Variants in CHST9 observed in about 807,000 individuals in gnomAD.
CHST9 encodes the protein carbohydrate sulfotransferase 9.
In CHST9, 41 loss-of-function variants were observed where a neutral mutation model predicts 44.4. That is an observed-to-expected ratio of 0.92 (90% CI 0.72 to 1.20). The LOEUF (loss-of-function observed/expected upper bound fraction) is 1.20, where lower values mean the gene tolerates loss of function less well. Among genes scored for constraint, CHST9 ranks in the 50% most tolerant of loss-of-function variants. CHST9 has a pLI of 0.00. For synonymous variants in CHST9, 171 were observed against 178.4 expected (o/e 0.96, Z 0.33); for missense variants, 504 against 516.5 (o/e 0.98, Z 0.23).
intron 4 of CHST9, among the ~76,000 whole-genome samples, chr18:26,951,530 C>A (rs335921): frequency 1.3e-5 from 2 of 151,670 alleles, no homozygotes; most frequent in African/African-American, 4.8e-5. Context: ...CATAGATCTG[C>A]AAGAATCTAT....
At chr18:27,020,618 G>A (rs916897548) in intron 4 of CHST9, among the ~76,000 whole-genome samples, 16 of 152,322 alleles carry the variant, frequency 1.1e-4, no homozygotes, top group African/African-American at 3.4e-4. Context: ...CCTTGCATTT[G>A]ATATATTTAA....
chr18:27,088,618 T>C (rs1291301380), intron 2 of CHST9, among the ~76,000 whole-genome samples: 1 of 151,982 alleles, frequency 6.6e-6, no homozygotes, highest in Non-Finnish European at 1.5e-5. Flanking sequence ...GATCTCGATC[T>C]CTTGACCTCG....
intron 1 of CHST9, among the ~76,000 whole-genome samples, chr18:27,161,637 C>T (rs1173494587): frequency 6.6e-6 from 1 of 152,066 alleles, no homozygotes; most frequent in Non-Finnish European, 1.5e-5. Context: ...CCACTTGGTG[C>T]AGAGCTGAGT....
At chr18:27,121,688 T>TGACA (rs2058375780) in intron 2 of CHST9, among the ~76,000 whole-genome samples, 1 of 152,140 alleles carries the variant, frequency 6.6e-6, no homozygotes, top group Non-Finnish European at 1.5e-5. Context: ...GGATTGAGGA[T>TGACA]GACACCATAT....
At chr18:27,078,264 G>A (rs752444992) in intron 2 of CHST9, among the ~76,000 whole-genome samples, 1 of 152,126 alleles carries the variant, frequency 6.6e-6, no homozygotes, top group Non-Finnish European at 1.5e-5. Flanking sequence ...CATGAGTGAA[G>A]CCCATCTATT....
intron 4 of CHST9, among the ~76,000 whole-genome samples, chr18:26,996,364 G>A (rs1154211): frequency 0.34 from 51,657 of 152,020 alleles, 9,507 homozygotes; most frequent in East Asian, 0.47. Flanking sequence ...TGGAGGTGGG[G>A]CCTGGTAGGA....
intron 4 of CHST9, among the ~76,000 whole-genome samples, chr18:26,956,350 C>G (rs1224516930): frequency 6.9e-6 from 1 of 145,168 alleles, no homozygotes; most frequent in African/African-American, 2.5e-5. Flanking sequence ...TATATACACA[C>G]ACAATTATAT....
intron 2 of CHST9, among the ~76,000 whole-genome samples, chr18:27,139,177 T>C (rs975009140): frequency 6.6e-6 from 1 of 152,066 alleles, no homozygotes; most frequent in Non-Finnish European, 1.5e-5. Flanking sequence ...GCTTAGAAAA[T>C]AGTCCATATC....
intron 5 of CHST9, among the ~76,000 whole-genome samples, chr18:26,917,608 C>T (rs1164011477): frequency 6.6e-6 from 1 of 152,058 alleles, no homozygotes; most frequent in African/African-American, 2.4e-5. Context: ...GCCTGTAATG[C>T]AATAGGATGT....
chr18:27,090,230 TGCATAGA>T (rs2058055034), intron 2 of CHST9, among the ~76,000 whole-genome samples: 1 of 152,234 alleles, frequency 6.6e-6, no homozygotes, highest in Non-Finnish European at 1.5e-5. Flanking sequence ...GTCTGTTGGC[TGCATAGA>T]TATCTTCTTT....
intron 2 of CHST9, among the ~76,000 whole-genome samples, chr18:27,120,680 T>G (rs1006280600): frequency 2.0e-5 from 3 of 152,230 alleles, no homozygotes; most frequent in Admixed American, 6.5e-5. Context: ...ATTTATTTTC[T>G]CTGTGACTCA....
intron 4 of CHST9, among the ~76,000 whole-genome samples, chr18:27,016,377 A>G (rs1434499565): frequency 6.6e-6 from 1 of 152,192 alleles, no homozygotes; most frequent in Non-Finnish European, 1.5e-5. Context: ...TCCTGCACAG[A>G]GTGCTCTTCT....
At chr18:27,183,329 A>C (rs1256733747) in intron 1 of CHST9, among the ~76,000 whole-genome samples, 2 of 152,228 alleles carry the variant, frequency 1.3e-5, no homozygotes, top group Non-Finnish European at 2.9e-5. Flanking sequence ...GAAATGAGTA[A>C]GTACGTTTTG....
chr18:26,937,136 G>T (rs912454881), intron 5 of CHST9, among the ~76,000 whole-genome samples: 1 of 152,108 alleles, frequency 6.6e-6, no homozygotes, highest in Admixed American at 6.5e-5. Context: ...AAAACTGGCA[G>T]TGGGCAACGG....
chr18:27,163,082 G>A lies in CHST9; in HGVS notation c.-96-20177C>T, dbSNP rs185620902. Among the ~76,000 whole-genome samples the A allele has an allele frequency of 1.1e-3, 171 of 152,326 alleles. 1 individual carries two copies. The highest frequency in any genetic ancestry group is 6.0e-3 in the South Asian group (29 of 4,824). On this transcript the variant is annotated intron_variant, in intron 1 of 5. Transcript: ENST00000618847. ...TGGAGTTTGCTGGAGGTCCACTCCA[G>A]ACACTTGTTTGCCTGGGTATCAGCA...
At position 26,950,157 on chromosome 18, in the gene CHST9, C is replaced by T. The variant is rs79222454; in HGVS notation, c.203-5791G>A. 6.9e-3 allele frequency among the ~76,000 whole-genome samples: 1,047 copies of T among 152,286 alleles called. 13 individuals carry two copies. The highest frequency in any genetic ancestry group is 0.022 in the African/African-American group (895 of 41,560). Reference sequence around the variant, plus strand: ...TTTTTCTCAGCTGTTCCTCAAGGTACGGGGAGGAAAGCACACTGCTGCTGA... The same window carrying T: ...TTTTTCTCAGCTGTTCCTCAAGGTATGGGGAGGAAAGCACACTGCTGCTGA... On this transcript the variant is annotated intron_variant, in intron 4 of 5. Transcript: ENST00000618847.
chr18:27,119,149 C>T (rs2058353760), intron 2 of CHST9, among the ~76,000 whole-genome samples: 1 of 152,084 alleles, frequency 6.6e-6, no homozygotes. Flanking sequence ...AACCACATTT[C>T]ATCTCCCCTT....
chr18:27,076,845 C>T (rs896165929), intron 2 of CHST9, among the ~76,000 whole-genome samples: 30 of 152,036 alleles, frequency 2.0e-4, no homozygotes, highest in African/African-American at 6.8e-4. Flanking sequence ...GAAAAGGAGA[C>T]GAGGCTACAT....
At chr18:27,070,544 A>T (rs1277039581) in intron 2 of CHST9, among the ~76,000 whole-genome samples, 2 of 152,216 alleles carry the variant, frequency 1.3e-5, no homozygotes, top group Non-Finnish European at 2.9e-5. Flanking sequence ...TAGGGTTCCA[A>T]TCTATGTTTC....
Sources: allele counts gnomAD v4.1 joint callset (sites outside exome capture counted in the v4.1 genomes callset), GRCh38; gene constraint gnomAD v4.1.1; transcripts MANE v1.5; gene names NCBI Gene and HGNC (gene_info 2026-07-23, HGNC 2026-07-21).